Variants in SUMF1 observed in about 807,000 individuals in gnomAD.
SUMF1 encodes the protein sulfatase modifying factor 1.
Under a neutral mutation model 47.6 loss-of-function variants are expected in SUMF1, and 48 were observed. The observed-to-expected ratio is 1.01, with a 90% confidence interval of 0.80 to 1.28. The LOEUF (loss-of-function observed/expected upper bound fraction) is 1.28. Among genes scored for constraint, SUMF1 ranks in the 50% most tolerant of loss-of-function variants. The probability of loss-of-function intolerance (pLI) is 0.00; values close to 1 mark genes in which losing one functional copy is unlikely to be tolerated. For missense variants in SUMF1, 571 were observed against 485.4 expected (o/e 1.18, Z -1.66); for synonymous variants, 230 against 192.1 (o/e 1.20, Z -1.63).
At chr3:4,418,190 C>G (rs1005784356) in intron 4 of SUMF1, 58 bp from the exon 5 acceptor site, 6 of 1,610,994 alleles carry the variant, frequency 3.7e-6, no homozygotes, top group Non-Finnish European at 5.1e-6. Context: ...GAAGCAGGAG[C>G]TGGCTTCAGC....
chr3:4,376,433 C>A (rs73809529), intron 7 of SUMF1, 44 bp from the exon 8 acceptor site: 3 of 1,599,628 alleles, frequency 1.9e-6, no homozygotes, highest in Admixed American at 1.7e-5. Flanking sequence ...GAAGGCAAAG[C>A]TGCCCCTTAC....
intron 1 of SUMF1, among the ~76,000 whole-genome samples, chr3:4,465,196 G>C (rs1287392722): frequency 6.6e-6 from 1 of 152,216 alleles, no homozygotes; most frequent in Non-Finnish European, 1.5e-5. Flanking sequence ...GGACAGACTG[G>C]CTTGGCGCGG....
chr3:4,107,879 T>C (rs1693194171), intron 8 of SUMF1, among the ~76,000 whole-genome samples: 1 of 152,106 alleles, frequency 6.6e-6, no homozygotes, highest in Non-Finnish European at 1.5e-5. Flanking sequence ...TTCTTAGGAA[T>C]AATTCAACCA....
intron 8 of SUMF1, among the ~76,000 whole-genome samples, chr3:4,375,541 A>G (rs938865083): frequency 1.3e-5 from 2 of 152,182 alleles, no homozygotes; most frequent in Admixed American, 1.3e-4. Flanking sequence ...TGATAATGCC[A>G]TCATTATCAA....
chr3:4,295,606 C>A (rs769943775), intron 8 of SUMF1, among the ~76,000 whole-genome samples: 21 of 152,070 alleles, frequency 1.4e-4, no homozygotes, highest in Non-Finnish European at 2.9e-4. Flanking sequence ...GCTCTCATAG[C>A]CTTGGTAACA....
intron 8 of SUMF1, among the ~76,000 whole-genome samples, chr3:4,354,910 C>A (rs1000133378): frequency 6.6e-6 from 1 of 152,228 alleles, no homozygotes; most frequent in African/African-American, 2.4e-5. Context: ...CCCCACAACC[C>A]CACAAGGTAG....
intron 8 of SUMF1, among the ~76,000 whole-genome samples, chr3:4,161,970 C>T (rs971921244): frequency 7.9e-5 from 12 of 152,080 alleles, no homozygotes; most frequent in Non-Finnish European, 1.3e-4. Context: ...CATGTATTAC[C>T]GGGCTACCAC....
chr3:4,309,174 G>A (rs1698308024), intron 8 of SUMF1, among the ~76,000 whole-genome samples: 1 of 152,168 alleles, frequency 6.6e-6, no homozygotes, highest in Non-Finnish European at 1.5e-5. Flanking sequence ...TGCAGGTGAA[G>A]CCTCCAGGTA....
intron 9 of SUMF1, among the ~76,000 whole-genome samples, chr3:4,034,823 G>C (rs1195536214): frequency 6.6e-6 from 1 of 151,968 alleles, no homozygotes; most frequent in Non-Finnish European, 1.5e-5. Context: ...CACAGAAATA[G>C]AGCAATCAAT....
At chr3:4,260,459 T>G (rs1251347994) in intron 8 of SUMF1, among the ~76,000 whole-genome samples, 1 of 152,234 alleles carries the variant, frequency 6.6e-6, no homozygotes, top group Non-Finnish European at 1.5e-5. Context: ...TTAAAATATG[T>G]AAGCCAATCT....
chr3:4,174,460 T>G (rs1470176439), intron 8 of SUMF1, among the ~76,000 whole-genome samples: 1 of 151,774 alleles, frequency 6.6e-6, no homozygotes, highest in Non-Finnish European at 1.5e-5. Context: ...GGATAACACT[T>G]TGGGAGGCCA....
Position 4,071,385 on chromosome 3 carries a change from T to C in SUMF1, c.1015-2640A>G, listed in dbSNP as rs149877416. Among the ~76,000 whole-genome samples the C allele has an allele frequency of 6.3e-3, 954 of 152,270 alleles. 8 individuals are homozygous for C. The highest frequency in any genetic ancestry group is 0.022 in the African/African-American group (908 of 41,564). ...ACACCAGGGATTGAGGGATTTCCCC[T>C]TCCTAGCCAAGAGAAGCCATGAGAG... is the stretch of plus-strand genomic sequence containing the variant. On this transcript the variant is annotated intron_variant and NMD_transcript_variant, in intron 8 of 12. Transcript: ENST00000448413.
At chr3:4,312,578 G>A (rs35551797) in intron 8 of SUMF1, among the ~76,000 whole-genome samples, 4 of 151,736 alleles carry the variant, frequency 2.6e-5, no homozygotes, top group African/African-American at 9.7e-5. Flanking sequence ...GGACATGGTG[G>A]TTCCCACTTG....
intron 8 of SUMF1, among the ~76,000 whole-genome samples, chr3:4,372,379 T>C (rs1332035636): frequency 6.6e-6 from 1 of 152,140 alleles, no homozygotes; most frequent in Non-Finnish European, 1.5e-5. Flanking sequence ...AAAAAGAAAA[T>C]TTTTTAAAAA....
intron 3 of SUMF1, among the ~76,000 whole-genome samples, chr3:4,431,389 T>C (rs1275167169): frequency 1.3e-5 from 2 of 152,218 alleles, no homozygotes; most frequent in African/African-American, 4.8e-5. Flanking sequence ...TTAGCCTTTC[T>C]TTGCATACAC....
chr3:4,087,167 A>G (rs746480297), intron 8 of SUMF1, among the ~76,000 whole-genome samples: 5 of 152,178 alleles, frequency 3.3e-5, no homozygotes, highest in Non-Finnish European at 7.3e-5. Context: ...TGGAAAGCCA[A>G]CGTGGGGTAG....
chr3:4,199,691 C>T (rs73014944), intron 8 of SUMF1, among the ~76,000 whole-genome samples: 11 of 152,136 alleles, frequency 7.2e-5, no homozygotes, highest in African/African-American at 1.7e-4. Flanking sequence ...AATATCTCTC[C>T]GGTGTTTCAA....
intron 8 of SUMF1, among the ~76,000 whole-genome samples, chr3:4,108,515 C>T (rs577710973): frequency 5.1e-4 from 78 of 152,194 alleles, no homozygotes; most frequent in African/African-American, 1.7e-3. Flanking sequence ...CTAATGTTGA[C>T]AGTGGGGTGT....
chr3:4,041,165 G>A (rs756513844), intron 9 of SUMF1, among the ~76,000 whole-genome samples: 12 of 152,172 alleles, frequency 7.9e-5, no homozygotes, highest in East Asian at 1.9e-4. Flanking sequence ...CTCCGCCTCC[G>A]GAGTTCAAGC....
Sources: allele counts gnomAD v4.1 joint callset (sites outside exome capture counted in the v4.1 genomes callset), GRCh38; gene constraint gnomAD v4.1.1; transcripts MANE v1.5; gene names NCBI Gene and HGNC (gene_info 2026-07-23, HGNC 2026-07-21).